Variants in BIN2 observed in about 807,000 individuals in gnomAD.
The protein encoded by BIN2 is bridging integrator 2.
BIN2 carries 43 observed loss-of-function variants against 67.9 expected under a neutral mutation model. The observed-to-expected ratio is 0.63, with a 90% CI of 0.50 to 0.82. The LOEUF is 0.82. Among genes scored for constraint, BIN2 ranks in the 40% least tolerant of loss-of-function variants. The probability of loss-of-function intolerance (pLI) is 0.00; values close to 1 mark genes in which losing one functional copy is unlikely to be tolerated. For missense variants in BIN2, 581 were observed against 671.6 expected (o/e 0.87, Z 1.49); for synonymous variants, 244 against 246.8 (o/e 0.99, Z 0.11).
At chr12:51,295,663 C>T in intron 9 of BIN2, 133 bp downstream of exon 9, 1 of 395,506 alleles carries the variant, frequency 2.5e-6, no homozygotes, top group Non-Finnish European at 4.7e-6. Context: ...TATATAGGAG[C>T]ATAGTACAAA....
chr12:51,282,356 A>G (rs530990148), intron 12 of BIN2, among the ~76,000 whole-genome samples: 1 of 152,110 alleles, frequency 6.6e-6, no homozygotes, highest in Non-Finnish European at 1.5e-5. Context: ...ATTTTAATGG[A>G]GCTGAAAAAT....
Position 51,324,039 on chromosome 12 carries a change from T to C in BIN2, c.64A>G (p.Ser22Gly). Residue 22 changes from serine to glycine, a missense_variant, in exon 1 of 13, where the codon AGC becomes GGC. Coordinates refer to ENST00000615107, the MANE Select transcript of BIN2 (RefSeq NM_016293.4). ...LFAKQVQKKF[S>G]RAQEKVLQKL... ...CCACCTACCTTCTCCTGGGCCCTGC[T>C]AAACTTCTTCTGCACCTGCTTGGCG... is the stretch of plus-strand genomic sequence containing the variant. 1 of 1,613,522 alleles carries C rather than the reference T, an allele frequency of 6.2e-7. No homozygotes were observed. The highest frequency in any genetic ancestry group is 8.5e-7 in the Non-Finnish European group (1 of 1,179,686).
chr12:51,305,372 T>A (rs1030338304), intron 2 of BIN2, among the ~76,000 whole-genome samples: 4 of 151,712 alleles, frequency 2.6e-5, no homozygotes, highest in African/African-American at 9.7e-5. Flanking sequence ...ACGCCTGTAA[T>A]CCTAGCAGTT....
chr12:51,287,050 G>A (rs1044040589), intron 11 of BIN2, among the ~76,000 whole-genome samples: 2 of 151,886 alleles, frequency 1.3e-5, no homozygotes, highest in Admixed American at 1.3e-4. Context: ...TTAGACTCCT[G>A]GGGTCAAGTG....
rs1365104593 is a variant in BIN2 at position 51,303,100 on chromosome 12, A to G, written c.204T>C (p.Leu68=). ...TGCATTGCCCACCTTTGACTGCACTAAGGAAGTTCTTCAGGTCCTTGTACA... is the reference window on the plus strand; with the variant it reads ...TGCATTGCCCACCTTTGACTGCACTGAGGAAGTTCTTCAGGTCCTTGTACA... The part of the protein sequence containing the change: ...HKLYKDLKNF[L]SAVKVMHESS... Residue 68 remains leucine, a synonymous_variant, in exon 3 of 13, where the codon CTT becomes CTC. Transcript: ENST00000615107. 1.2e-6 allele frequency: 2 copies of G among 1,614,170 alleles called. No individual in the cohort carries two copies. Among genetic ancestry groups the G allele is most frequent in the African/African-American group, 1.3e-5 (1 of 75,068 alleles).
chr12:51,312,185 T>A (rs1395480447), intron 2 of BIN2, among the ~76,000 whole-genome samples: 1 of 152,216 alleles, frequency 6.6e-6, no homozygotes, highest in Non-Finnish European at 1.5e-5. Flanking sequence ...AAGAGCATTC[T>A]CATGCTTATT....
intron 2 of BIN2, among the ~76,000 whole-genome samples, chr12:51,310,008 A>G (rs756688203): frequency 9.2e-5 from 14 of 152,248 alleles, no homozygotes; most frequent in Non-Finnish European, 1.8e-4. Context: ...CTAGTGAGGC[A>G]CAGTGAAAAA....
chr12:51,318,350 C>A (rs1946185195), intron 1 of BIN2, among the ~76,000 whole-genome samples: 5 of 151,968 alleles, frequency 3.3e-5, no homozygotes, highest in Non-Finnish European at 7.4e-5. Flanking sequence ...CAACCTCTGC[C>A]TCACCGGCTC....
chr12:51,289,434 G>A (rs1332428260), intron 10 of BIN2, among the ~76,000 whole-genome samples: 1 of 151,862 alleles, frequency 6.6e-6, no homozygotes, highest in South Asian at 2.1e-4. Context: ...GGGCAACATG[G>A]CGAAACCCCA....
At chr12:51,320,319 C>T (rs1335627941) in intron 1 of BIN2, among the ~76,000 whole-genome samples, 5 of 152,132 alleles carry the variant, frequency 3.3e-5, no homozygotes, top group Admixed American at 1.3e-4. Context: ...GGCGCTTGGC[C>T]GGAAATCTTT....
chr12:51,289,744 T>C (rs1018113951), intron 10 of BIN2, among the ~76,000 whole-genome samples: 1 of 152,116 alleles, frequency 6.6e-6, no homozygotes, highest in East Asian at 1.9e-4. Flanking sequence ...AGATAGGGTC[T>C]CACTCTGGTG....
chr12:51,317,123 G>A (rs896003732), intron 1 of BIN2, among the ~76,000 whole-genome samples: 3 of 152,020 alleles, frequency 2.0e-5, no homozygotes, highest in East Asian at 1.9e-4. Flanking sequence ...TGATCCGCCC[G>A]CCTCAGCCTC....
intron 9 of BIN2, among the ~76,000 whole-genome samples, chr12:51,293,537 C>T (rs1406019620): frequency 7.9e-5 from 12 of 152,160 alleles, no homozygotes; most frequent in Non-Finnish European, 1.2e-4. Context: ...TGGTCTCGAT[C>T]TCTTGACCCC....
intron 5 of BIN2, 35 bp downstream of exon 5, chr12:51,301,985 T>G: frequency 6.8e-7 from 1 of 1,477,772 alleles, no homozygotes; most frequent in Non-Finnish European, 9.5e-7. Context: ...GGATGGGTCA[T>G]CCACAACCCA....
At chr12:51,296,201 G>A (rs1023848415) in intron 8 of BIN2, among the ~76,000 whole-genome samples, 3 of 151,994 alleles carry the variant, frequency 2.0e-5, no homozygotes, top group African/African-American at 7.2e-5. Flanking sequence ...TAGGCCAGGC[G>A]CCTAAAAATG....
chr12:51,289,028 G>A (rs913046915), intron 10 of BIN2, among the ~76,000 whole-genome samples: 1 of 152,000 alleles, frequency 6.6e-6, no homozygotes, highest in Non-Finnish European at 1.5e-5. Context: ...GATTACAGGC[G>A]TGAGCCACTG....
intron 9 of BIN2, among the ~76,000 whole-genome samples, chr12:51,294,290 C>G (rs1482360257): frequency 6.6e-6 from 1 of 152,016 alleles, no homozygotes; most frequent in Admixed American, 6.6e-5. Context: ...GCAAAACAGC[C>G]GGGCGTGGTG....
intron 1 of BIN2, among the ~76,000 whole-genome samples, chr12:51,320,481 A>C (rs1457257085): frequency 6.6e-6 from 1 of 152,122 alleles, no homozygotes; most frequent in Non-Finnish European, 1.5e-5. Context: ...CTCAGCTAGA[A>C]TGCTCTCTGA....
In BIN2 at chr12:51,291,769, G is replaced by A. The variant is rs752160766; in HGVS notation, c.1337C>T (p.Thr446Ile). The change falls in exon 10 of 13, where the codon ACC becomes ATC. Residue 446 changes from threonine (T) to isoleucine (I), a missense_variant. Physicochemically the swap from Thr to Ile is moderately conservative, Grantham distance 89. Coordinates refer to ENST00000615107, the MANE Select transcript of BIN2 (RefSeq NM_016293.4). ...SPTASGGGSP[T>I]SPRASLGTGT... The stretch of plus-strand genomic sequence containing the variant: ...AGTCCCCAAGGAGGCCCTAGGGCTG[G>A]TGGGTGAACCCCCTCCAGAGGCTGT... 4 of 1,613,548 alleles carry A rather than the reference G, an allele frequency of 2.5e-6. No individual in the cohort carries two copies. The highest frequency in any genetic ancestry group is 3.4e-6 in the Non-Finnish European group (4 of 1,179,732).
Sources: allele counts gnomAD v4.1 joint callset (sites outside exome capture counted in the v4.1 genomes callset), GRCh38; gene constraint gnomAD v4.1.1; transcripts MANE v1.5; gene names NCBI Gene and HGNC (gene_info 2026-07-23, HGNC 2026-07-21).